MRAP: variants seen among roughly 807,000 people sequenced by gnomAD.
The protein encoded by MRAP is melanocortin 2 receptor accessory protein.
In MRAP, 8 loss-of-function variants were observed where a neutral mutation model predicts 8.7. That is an observed-to-expected ratio of 0.92 (90% CI 0.54 to 1.66). The LOEUF (loss-of-function observed/expected upper bound fraction) is 1.66, where lower values mean the gene tolerates loss of function less well. Among genes scored for constraint, MRAP ranks in the 40% most tolerant of loss-of-function variants. MRAP has a pLI of 0.00. For synonymous variants in MRAP, 95 were observed against 95.5 expected (o/e 1.00, Z 0.03); for missense variants, 237 against 217.1 (o/e 1.09, Z -0.58).
intron 1 of MRAP, among the ~76,000 whole-genome samples, chr21:32,304,965 G>GTT (rs537525538): frequency 0.022 from 1,693 of 77,804 alleles, 82 homozygotes; most frequent in African/African-American, 0.041. Flanking sequence ...TTTTTTTGTT[G>GTT]TTTTTTTTTT....
intron 1 of MRAP, among the ~76,000 whole-genome samples, chr21:32,303,717 G>A (rs1007048694): frequency 3.3e-5 from 5 of 152,246 alleles, no homozygotes. Flanking sequence ...GCCTAGGGAT[G>A]TCTAACTATT....
intron 1 of MRAP, among the ~76,000 whole-genome samples, chr21:32,292,445 T>C (rs2032065815): frequency 6.6e-6 from 1 of 152,160 alleles, no homozygotes; most frequent in African/African-American, 2.4e-5. Flanking sequence ...TATGTTTGTT[T>C]CAGTATTAAA....
At chr21:32,300,634 TCA>T (rs1388042542) in intron 1 of MRAP, among the ~76,000 whole-genome samples, 3 of 151,436 alleles carry the variant, frequency 2.0e-5, no homozygotes, top group Non-Finnish European at 4.4e-5. Context: ...GTCAGATGCG[TCA>T]CACGTCCTAT....
intron 1 of MRAP, among the ~76,000 whole-genome samples, chr21:32,300,813 G>A (rs938588648): frequency 2.0e-5 from 3 of 148,372 alleles, no homozygotes; most frequent in Non-Finnish European, 4.5e-5. Context: ...TATGTCAGGG[G>A]CGTCATGTGT....
intron 2 of MRAP, chr21:32,293,273 C>T (rs527597245): frequency 6.6e-6 from 1 of 152,164 alleles, no homozygotes; most frequent in East Asian, 1.9e-4. Context: ...GTCCTGGCAA[C>T]ACCTTGTTTG....
At chr21:32,311,532 G>C (rs1347521934) in intron 2 of MRAP, 152 bp from the exon 3 acceptor site, 2 of 1,114,508 alleles carry the variant, frequency 1.8e-6, no homozygotes, top group Non-Finnish European at 2.5e-6. Flanking sequence ...CCACCTTTGT[G>C]AGCTGGCTGA....
chr21:32,292,690 C>T (rs2032070319), intron 1 of MRAP, among the ~76,000 whole-genome samples: 1 of 151,992 alleles, frequency 6.6e-6, no homozygotes, highest in Non-Finnish European at 1.5e-5. Context: ...CTCCTGACCT[C>T]AGGTAATTCA....
At chr21:32,302,698 C>T (rs2032318935) in intron 1 of MRAP, among the ~76,000 whole-genome samples, 1 of 152,206 alleles carries the variant, frequency 6.6e-6, no homozygotes, top group African/African-American at 2.4e-5. Flanking sequence ...ACCATCACAT[C>T]CGTGTTCACG....
Position 32,301,985 on chromosome 21 carries a change from A to C in MRAP, c.106+2908A>C, listed in dbSNP as rs1212523414. ...AGAGCAATCATATTCAGGGCATGAC[A>C]TAAGTAGTGAAAGTAATTTTTAAAC... On this transcript the variant is annotated intron_variant, in intron 1 of 2. Coordinates refer to ENST00000303645, the MANE Select transcript of MRAP (RefSeq NM_001379228.1). Among the ~76,000 whole-genome samples, 5 of 152,364 alleles carry C rather than the reference A, an allele frequency of 3.3e-5. No homozygotes were observed. The South Asian group carries it at 1.0e-3, about 32-fold the overall frequency.
At chr21:32,307,576 CAAAAAA>C (rs1175455972) in intron 2 of MRAP, among the ~76,000 whole-genome samples, 1 of 60,410 alleles carries the variant, frequency 1.7e-5, no homozygotes, top group Admixed American at 1.9e-4. Flanking sequence ...GACTCCGTCT[CAAAAAA>C]AAAAAAAAAA....
downstream of MRAP, chr21:32,312,372 C>T (rs774694873): frequency 7.0e-6 from 8 of 1,141,364 alleles, no homozygotes; most frequent in Non-Finnish European, 8.8e-6. Flanking sequence ...CCTGGTCCTT[C>T]TGTACCTTTG....
downstream of MRAP, chr21:32,314,503 T>A: frequency 6.4e-7 from 1 of 1,550,670 alleles, no homozygotes; most frequent in East Asian, 2.2e-5. Flanking sequence ...ACTTTAAACA[T>A]CTCTCTTCGT....
At chr21:32,308,093 C>T (rs1310180274) in intron 2 of MRAP, among the ~76,000 whole-genome samples, 1 of 152,180 alleles carries the variant, frequency 6.6e-6, no homozygotes, top group Non-Finnish European at 1.5e-5. Context: ...TTACCTTTGG[C>T]CAGGTGTGGG....
chr21:32,303,151 A>G (rs2032329514), intron 1 of MRAP, among the ~76,000 whole-genome samples: 1 of 151,490 alleles, frequency 6.6e-6, no homozygotes, highest in South Asian at 2.1e-4. Flanking sequence ...GACTAATTTT[A>G]TTTTGTATTT....
intron 1 of MRAP, among the ~76,000 whole-genome samples, 193 bp downstream of exon 1, chr21:32,299,270 A>G (rs2032203878): frequency 6.6e-6 from 1 of 152,236 alleles, no homozygotes; most frequent in Non-Finnish European, 1.5e-5. Flanking sequence ...AACTTCTGTA[A>G]TAAGCTTGGA....
intron 1 of MRAP, among the ~76,000 whole-genome samples, chr21:32,300,699 G>GATGTCAC (rs1428209129): frequency 1.2e-3 from 17 of 14,222 alleles, no homozygotes; most frequent in East Asian, 4.9e-3. Flanking sequence ...CTATGTCAGG[G>GATGTCAC]GCGTCATGCG....
At chr21:32,305,676 C>T (rs375016886) in intron 1 of MRAP, among the ~76,000 whole-genome samples, 6 of 152,292 alleles carry the variant, frequency 3.9e-5, no homozygotes, top group African/African-American at 1.4e-4. Context: ...CCTCTAATAG[C>T]GCCTTTTGGT....
At chr21:32,313,083 A>T (rs2032618333), downstream of MRAP, 1 of 152,250 alleles carries the variant, frequency 6.6e-6, no homozygotes, top group South Asian at 2.1e-4. Context: ...CACTTGACTG[A>T]GCTGGAACTC....
intron 2 of MRAP, among the ~76,000 whole-genome samples, chr21:32,309,420 A>G (rs1356034553): frequency 6.6e-6 from 1 of 151,726 alleles, no homozygotes; most frequent in Non-Finnish European, 1.5e-5. Flanking sequence ...TCACATATGG[A>G]AGGTAGCTTT....
Sources: gnomAD v4.1 joint callset for allele counts (sites outside exome capture counted in the v4.1 genomes callset) on GRCh38, gnomAD v4.1.1 for gene constraint, MANE v1.5 for transcripts, NCBI Gene and HGNC (gene_info 2026-07-23, HGNC 2026-07-21) for gene names.